FBXO25: variants seen among roughly 807,000 people sequenced by gnomAD.
FBXO25 encodes F-box only protein 25.
FBXO25 carries 45 observed loss-of-function variants against 51.9 expected under a neutral mutation model. The ratio of observed to expected loss-of-function variants is 0.87; its 90% CI spans 0.68 to 1.11. The LOEUF is 1.11. Among genes scored for constraint, FBXO25 ranks in the 50% most tolerant of loss-of-function variants. FBXO25 has a pLI of 0.00. For synonymous variants in FBXO25, 199 were observed against 151.0 expected (o/e 1.32, Z -2.33); for missense variants, 507 against 428.5 (o/e 1.18, Z -1.62).
chr8:428,243 C>T (rs959828644), intron 2 of FBXO25, among the ~76,000 whole-genome samples: 1 of 152,052 alleles, frequency 6.6e-6, no homozygotes, highest in Non-Finnish European at 1.5e-5. Context: ...GCCTTTTGGG[C>T]ACATTTGCTA....
At chr8:440,505 A>C (rs7003764) in intron 5 of FBXO25, among the ~76,000 whole-genome samples, 628 of 147,142 alleles carry the variant, frequency 4.3e-3, no homozygotes, top group African/African-American at 0.013. Context: ...TTTCATTACG[A>C]CTTTATTTCC....
chr8:418,160 T>C (rs764228737), intron 2 of FBXO25, among the ~76,000 whole-genome samples: 10 of 152,198 alleles, frequency 6.6e-5, no homozygotes, highest in Non-Finnish European at 1.3e-4. Flanking sequence ...TGTGTCTTCA[T>C]GTAAAGGTGC....
intron 2 of FBXO25, among the ~76,000 whole-genome samples, chr8:427,273 G>T (rs11783529): frequency 7.0e-6 from 1 of 143,064 alleles, no homozygotes; most frequent in East Asian, 2.0e-4. Context: ...CAAATTGATC[G>T]AAAGGAAATG....
chr8:433,718 G>A (rs1419247982), intron 4 of FBXO25, among the ~76,000 whole-genome samples: 2 of 152,162 alleles, frequency 1.3e-5, no homozygotes, highest in Admixed American at 1.3e-4. Flanking sequence ...AAATAATTTA[G>A]GGAATTACTG....
At chr8:431,303 C>T (rs1389786962) in intron 2 of FBXO25, 38 bp from the exon 3 acceptor site, 2 of 1,148,424 alleles carry the variant, frequency 1.7e-6, no homozygotes, top group South Asian at 2.8e-5. Flanking sequence ...GAAGATCTCC[C>T]TGAAAAAATA....
chr8:443,556 A>C (rs540433032), intron 5 of FBXO25, among the ~76,000 whole-genome samples: 6 of 151,296 alleles, frequency 4.0e-5, no homozygotes, highest in African/African-American at 1.5e-4. Context: ...GGACAACCCC[A>C]AAAATAGAAT....
At chr8:468,280 C>T in intron 9 of FBXO25, 1 of 1,016,364 alleles carries the variant, frequency 9.8e-7, no homozygotes, top group Middle Eastern at 4.9e-4. Flanking sequence ...CAAGCTGATT[C>T]AGGGATGAAT....
At chr8:445,027 C>T (rs1798650193) in intron 5 of FBXO25, among the ~76,000 whole-genome samples, 1 of 152,176 alleles carries the variant, frequency 6.6e-6, no homozygotes, top group African/African-American at 2.4e-5. Context: ...ACAGACTTTG[C>T]TTTATGGCTA....
chr8:412,236 CT>C (rs1796520519), intron 1 of FBXO25, among the ~76,000 whole-genome samples: 1 of 152,156 alleles, frequency 6.6e-6, no homozygotes, highest in Admixed American at 6.5e-5. Flanking sequence ...TAATAAAACC[CT>C]GCTGTTCCTT....
intron 2 of FBXO25, among the ~76,000 whole-genome samples, chr8:428,525 T>C (rs1407394897): frequency 6.6e-6 from 1 of 152,050 alleles, no homozygotes. Flanking sequence ...CTCTTTATCT[T>C]TAATTAAAAC....
intron 5 of FBXO25, among the ~76,000 whole-genome samples, chr8:444,361 A>G: frequency 6.6e-6 from 1 of 152,038 alleles, no homozygotes; most frequent in Non-Finnish European, 1.5e-5. Flanking sequence ...GTGCCAATTT[A>G]CTCCCAGATC....
intron 8 of FBXO25, among the ~76,000 whole-genome samples, chr8:459,834 G>C (rs932934247): frequency 6.6e-6 from 1 of 152,144 alleles, no homozygotes; most frequent in African/African-American, 2.4e-5. Flanking sequence ...CCCAGAACCT[G>C]GGGGGAGCTG....
At chr8:409,693 G>T (rs893368404) in intron 1 of FBXO25, among the ~76,000 whole-genome samples, 3 of 152,104 alleles carry the variant, frequency 2.0e-5, no homozygotes, top group Non-Finnish European at 4.4e-5. Flanking sequence ...ATGTACATAG[G>T]ACAGTCATCC....
At chr8:421,036 C>G (rs1305396645) in intron 2 of FBXO25, among the ~76,000 whole-genome samples, 3 of 152,206 alleles carry the variant, frequency 2.0e-5, no homozygotes, top group South Asian at 4.1e-4. Context: ...TGGATCGGTA[C>G]CAGTCCGTAG....
chr8:410,347 A>G (rs1021408060), intron 1 of FBXO25, among the ~76,000 whole-genome samples: 1 of 152,134 alleles, frequency 6.6e-6, no homozygotes, highest in African/African-American at 2.4e-5. Context: ...GCATAATAAC[A>G]TGTAGTTGGT....
Position 435,711 on chromosome 8 carries a change from A to G in FBXO25, c.381+4A>G. ...AAGGTTCAATTATGTGGTCAAAGTA[A>G]GTGTTCTATTTCAAAAACTACTTTG... On this transcript the variant is annotated splice_donor_region_variant and intron_variant, in intron 5 of 9. Transcript: ENST00000350302. 1 of 1,570,786 alleles carries G rather than the reference A, an allele frequency of 6.4e-7. No individual in the cohort carries two copies. Among genetic ancestry groups the G allele is most frequent in the Non-Finnish European group, 8.6e-7 (1 of 1,161,980 alleles).
chr8:424,118 ATT>A (rs36051355), intron 2 of FBXO25, among the ~76,000 whole-genome samples: 16 of 120,568 alleles, frequency 1.3e-4, no homozygotes, highest in Admixed American at 2.5e-4. Flanking sequence ...TCCTTTGCCC[ATT>A]TTTTTTTTTT....
At chr8:430,754 G>A (rs946206405) in intron 2 of FBXO25, among the ~76,000 whole-genome samples, 4 of 152,148 alleles carry the variant, frequency 2.6e-5, no homozygotes, top group African/African-American at 9.7e-5. Context: ...CTTATGATTT[G>A]ATTTTCTTGT....
At position 425,259 on chromosome 8, in the gene FBXO25, A is replaced by G. The variant is rs1370655952; in HGVS notation, c.135-6082A>G. 5.3e-5 allele frequency among the ~76,000 whole-genome samples: 8 copies of G among 152,044 alleles called. 1 individual carries two copies. The highest frequency in any genetic ancestry group is 1.2e-4 in the Non-Finnish European group (8 of 68,010). On this transcript the variant is annotated intron_variant, in intron 2 of 9. Coordinates refer to ENST00000350302, the MANE Select transcript of FBXO25 (RefSeq NM_183420.2). ...TATCACCAAGTGTATATTCCTAGAC[A>G]CTATAGTTTAGTGTTGTTTTATTCT...
Sources: allele counts gnomAD v4.1 joint callset (sites outside exome capture counted in the v4.1 genomes callset), GRCh38; gene constraint gnomAD v4.1.1; transcripts MANE v1.5; gene names NCBI Gene and HGNC (gene_info 2026-07-23, HGNC 2026-07-21).